The following HPSE2 variants were observed in gnomAD, a reference collection of about 807,000 sequenced individuals.
The protein encoded by HPSE2 is heparanase 2 (inactive).
In HPSE2, 38 loss-of-function variants were observed where a neutral mutation model predicts 60.5. That is an observed-to-expected ratio of 0.63 (90% confidence interval 0.48 to 0.82). The LOEUF is 0.82. Among genes scored for constraint, HPSE2 ranks in the 40% least tolerant of loss-of-function variants. The pLI is 0.00. For missense variants in HPSE2, 713 were observed against 740.4 expected (o/e 0.96, Z 0.43); for synonymous variants, 295 against 293.2 (o/e 1.01, Z -0.06).
chr10:99,123,906 G>A (rs999309646), intron 3 of HPSE2, among the ~76,000 whole-genome samples: 1 of 152,082 alleles, frequency 6.6e-6, no homozygotes, highest in African/African-American at 2.4e-5. Flanking sequence ...CAGTGGAGAG[G>A]AGACCCAGAG....
chr10:98,576,582 G>A (rs1300801115), intron 9 of HPSE2, among the ~76,000 whole-genome samples: 1 of 152,088 alleles, frequency 6.6e-6, no homozygotes, highest in African/African-American at 2.4e-5. Context: ...AGGAAGCTCT[G>A]CGGGGTCCCA....
At chr10:99,055,327 A>G (rs1958085971) in intron 3 of HPSE2, among the ~76,000 whole-genome samples, 1 of 152,154 alleles carries the variant, frequency 6.6e-6, no homozygotes, top group African/African-American at 2.4e-5. Context: ...ATAAAATACT[A>G]GAACTGGAAT....
intron 3 of HPSE2, among the ~76,000 whole-genome samples, chr10:99,038,583 A>G (rs1957663239): frequency 6.6e-6 from 1 of 152,128 alleles, no homozygotes; most frequent in Non-Finnish European, 1.5e-5. Context: ...GCAATGGAAT[A>G]TTTCTGTATC....
chr10:99,144,941 T>C (rs1001786835), intron 2 of HPSE2, among the ~76,000 whole-genome samples: 1 of 152,178 alleles, frequency 6.6e-6, no homozygotes, highest in African/African-American at 2.4e-5. Flanking sequence ...CTGCTATTTT[T>C]CATGTACCTC....
chr10:98,923,001 T>A (rs535998875), intron 3 of HPSE2, among the ~76,000 whole-genome samples: 1 of 152,342 alleles, frequency 6.6e-6, no homozygotes, highest in African/African-American at 2.4e-5. Flanking sequence ...GAGTTTTATA[T>A]CTTCAGATGA....
At chr10:99,079,775 G>T (rs575235770) in intron 3 of HPSE2, among the ~76,000 whole-genome samples, 1 of 152,036 alleles carries the variant, frequency 6.6e-6, no homozygotes, top group Non-Finnish European at 1.5e-5. Context: ...TTTGTGCTGA[G>T]TTGGGGGCAT....
intron 7 of HPSE2, among the ~76,000 whole-genome samples, chr10:98,623,653 A>T (rs1221456507): frequency 3.9e-5 from 6 of 152,212 alleles, no homozygotes; most frequent in Non-Finnish European, 7.4e-5. Flanking sequence ...AGCAGTTATT[A>T]TCTTGGACTT....
At chr10:98,998,501 G>A (rs1283525488) in intron 3 of HPSE2, among the ~76,000 whole-genome samples, 1 of 152,160 alleles carries the variant, frequency 6.6e-6, no homozygotes, top group African/African-American at 2.4e-5. Context: ...GAAGGGCATC[G>A]ACATGCCTGT....
chr10:98,518,483 A>T (rs1301159382), intron 9 of HPSE2, among the ~76,000 whole-genome samples: 1 of 152,150 alleles, frequency 6.6e-6, no homozygotes, highest in Non-Finnish European at 1.5e-5. Flanking sequence ...AGGCAGGTGG[A>T]TCACTTGAGG....
At chr10:99,112,411 T>G (rs1844499625) in intron 3 of HPSE2, among the ~76,000 whole-genome samples, 1 of 87,682 alleles carries the variant, frequency 1.1e-5, no homozygotes, top group Non-Finnish European at 2.9e-5. Context: ...GGCTTTTTTT[T>G]GTTGTGTTTT....
chr10:98,521,820 C>G (rs994741326), intron 9 of HPSE2, among the ~76,000 whole-genome samples: 1 of 152,180 alleles, frequency 6.6e-6, no homozygotes, highest in Non-Finnish European at 1.5e-5. Flanking sequence ...AGGATGAGTT[C>G]ATGTCCTTTG....
chr10:98,740,187 T>G (rs1176985116), intron 4 of HPSE2, among the ~76,000 whole-genome samples: 1 of 151,628 alleles, frequency 6.6e-6, no homozygotes, highest in Admixed American at 6.6e-5. Context: ...TGTCTTTTTT[T>G]TTTTTTGAGA....
intron 5 of HPSE2, among the ~76,000 whole-genome samples, chr10:98,715,475 GT>G (rs970432496): frequency 1.3e-5 from 2 of 151,488 alleles, no homozygotes; most frequent in South Asian, 2.1e-4. Context: ...ATTTATCTTG[GT>G]TTTTTTCTTT....
At chr10:99,244,387 TATTATTA>T in the HPSE2 span, among the ~76,000 whole-genome samples, 77 of 131,882 alleles carry the variant, frequency 5.8e-4, 1 homozygote, top group African/African-American at 1.4e-3. Flanking sequence ...TTTCTTTTAT[TATTATTA>T]TTATTATTAT....
intron 3 of HPSE2, among the ~76,000 whole-genome samples, chr10:99,134,099 C>T (rs376037430): frequency 3.9e-5 from 6 of 152,140 alleles, no homozygotes; most frequent in Non-Finnish European, 5.9e-5. Context: ...ATAGCTGAAT[C>T]GATCAAGCGA....
At chr10:98,813,767 C>T (rs1252320) in intron 3 of HPSE2, among the ~76,000 whole-genome samples, 8,388 of 152,244 alleles carry the variant, frequency 0.055, 733 homozygotes, top group African/African-American at 0.19. Context: ...TTATGTTCAT[C>T]ATATCTTTAA....
At chr10:99,283,866 C>G in the HPSE2 span, among the ~76,000 whole-genome samples, 1 of 151,980 alleles carries the variant, frequency 6.6e-6, no homozygotes, top group Non-Finnish European at 1.5e-5. Context: ...AATCAAAAAC[C>G]TAGACTAAAT....
the HPSE2 span, among the ~76,000 whole-genome samples, chr10:99,277,627 T>C: frequency 2.6e-5 from 4 of 152,326 alleles, no homozygotes; most frequent in East Asian, 5.8e-4. Context: ...TAGAAATATG[T>C]AGCATTTCTA....
chr10:98,649,859 G>A (rs1319833817), intron 6 of HPSE2, among the ~76,000 whole-genome samples: 1 of 152,198 alleles, frequency 6.6e-6, no homozygotes, highest in Non-Finnish European at 1.5e-5. Context: ...GAACTGAACA[G>A]CAACCAATTC....
Sources: gnomAD v4.1 joint callset for allele counts (sites outside exome capture counted in the v4.1 genomes callset) on GRCh38, gnomAD v4.1.1 for gene constraint, MANE v1.5 for transcripts, NCBI Gene and HGNC (gene_info 2026-07-23, HGNC 2026-07-21) for gene names.